Variants in CERS6 observed in about 807,000 individuals in gnomAD.
CERS6 encodes the protein ceramide synthase 6.
Under a neutral mutation model 56.8 loss-of-function variants are expected in CERS6, and 26 were observed. The observed-to-expected ratio is 0.46, with a 90% CI of 0.34 to 0.63. The LOEUF (loss-of-function observed/expected upper bound fraction) is 0.63. CERS6 is among the 30% of genes least tolerant of loss of function. The pLI, the probability that CERS6 is intolerant of heterozygous loss-of-function variation, is 0.01. For synonymous variants in CERS6, 164 were observed against 173.3 expected, an observed-to-expected ratio of 0.95 and a Z score of 0.42; for missense variants, 415 against 467.5, an observed-to-expected ratio of 0.89 and a Z score of 1.04.
intron 1 of CERS6, among the ~76,000 whole-genome samples, chr2:168,461,492 G>A (rs868449963): frequency 9.6e-4 from 143 of 149,120 alleles, no homozygotes; most frequent in African/African-American, 2.9e-3. Flanking sequence ...GTGGTCTGCA[G>A]ACATAAATAG....
chr2:168,622,768 G>C (rs536883724), intron 3 of CERS6, among the ~76,000 whole-genome samples: 2 of 152,296 alleles, frequency 1.3e-5, no homozygotes, highest in African/African-American at 4.8e-5. Flanking sequence ...ATTATTGATG[G>C]AGGTGGAAAT....
At chr2:168,746,813 ATATATAT>A (rs1684116676) in intron 8 of CERS6, among the ~76,000 whole-genome samples, 2 of 115,712 alleles carry the variant, frequency 1.7e-5, no homozygotes, top group Admixed American at 9.0e-5. Context: ...ATATATATAT[ATATATAT>A]AAAATCATCT....
intron 2 of CERS6, among the ~76,000 whole-genome samples, chr2:168,556,995 A>T (rs1353190954): frequency 5.6e-5 from 1 of 17,854 alleles, no homozygotes; most frequent in Admixed American, 4.1e-4. Context: ...TCTCTACAAA[A>T]AAAAAAAAAA....
intron 3 of CERS6, among the ~76,000 whole-genome samples, chr2:168,597,138 G>A (rs1683820215): frequency 6.6e-6 from 1 of 152,176 alleles, no homozygotes; most frequent in Non-Finnish European, 1.5e-5. Flanking sequence ...ATGGCGCCAG[G>A]TTTGAGGCTG....
At chr2:168,630,686 G>C (rs1033668018) in intron 3 of CERS6, among the ~76,000 whole-genome samples, 1 of 152,092 alleles carries the variant, frequency 6.6e-6, no homozygotes, top group Non-Finnish European at 1.5e-5. Flanking sequence ...ATCCCTTCAT[G>C]AGTGATAAAC....
chr2:168,632,642 T>C (rs1168786788), intron 4 of CERS6, among the ~76,000 whole-genome samples: 1 of 152,230 alleles, frequency 6.6e-6, no homozygotes, highest in Non-Finnish European at 1.5e-5. Flanking sequence ...AATTCTGTTC[T>C]AGTTTTCAGA....
chr2:168,456,304 CGCGGAGGAG>C lies in CERS6; in HGVS notation c.-140_-132del. On this transcript the variant is annotated 5_prime_UTR_variant, in exon 1 of 10. Coordinates refer to ENST00000305747, the MANE Select transcript of CERS6 (RefSeq NM_203463.3). The surrounding 1 kb of genome is among the most constrained non-coding windows in gnomAD (Gnocchi z 4.1). ...GCCGCGAGCCTTCGAGAGCAGCGGC[CGCGGAGGAG>C]GCGGCGGCGGCGGGCGGGAGCAGCG... is the stretch of plus-strand genomic sequence containing the variant. 3.2e-6 allele frequency: 1 copy of C among 311,508 alleles called. No homozygotes were observed. The highest frequency in any genetic ancestry group is 5.1e-6 in the Non-Finnish European group (1 of 196,834). The allele number at this position is 311,508 out of a possible 1,614,324, so 19.3% of individuals were successfully genotyped here. A position where few individuals can be genotyped will look rare whatever the true frequency, so the allele number is the denominator to read the frequency against.
At chr2:168,712,558 C>T (rs183599811) in intron 6 of CERS6, among the ~76,000 whole-genome samples, 4 of 152,258 alleles carry the variant, frequency 2.6e-5, no homozygotes, top group Non-Finnish European at 5.9e-5. Context: ...ACAAATGCTA[C>T]GTAGAACAGT....
intron 1 of CERS6, among the ~76,000 whole-genome samples, chr2:168,515,709 G>C (rs533092338): frequency 6.6e-6 from 1 of 152,316 alleles, no homozygotes; most frequent in African/African-American, 2.4e-5. Context: ...TTAGAAGTCA[G>C]GATCAGTGGG....
rs1439012361 is a variant in CERS6, at chr2:168,620,062, C to CACACACACACACATATACATAT, written c.408-10922_408-10921insCACACACACACATATACATATA. ...ACACACACACACACACACACACACACATATTTATATATATATGATCTAATA... is the reference window on the plus strand; with the variant it reads ...ACACACACACACACACACACACACACACACACACACACATATACATATATATTTATATATATATGATCTAATA... On this transcript the variant is annotated intron_variant, in intron 3 of 9. Transcript: ENST00000305747. Among the ~76,000 whole-genome samples, 176 of 70,060 alleles carry CACACACACACACATATACATAT rather than the reference C, an allele frequency of 2.5e-3. 3 individuals are homozygous for CACACACACACACATATACATAT. Among genetic ancestry groups the CACACACACACACATATACATAT allele is most frequent in the Admixed American group, 0.02 (141 of 7,160 alleles). 46.0% of individuals were successfully genotyped at this position (70,060 alleles called of 152,430 possible). A position where few individuals can be genotyped will look rare whatever the true frequency, so the allele number is the denominator to read the frequency against.
chr2:168,572,192 G>A (rs1187660756), intron 3 of CERS6, among the ~76,000 whole-genome samples: 1 of 152,156 alleles, frequency 6.6e-6, no homozygotes, highest in Non-Finnish European at 1.5e-5. Flanking sequence ...TAATGAAGTT[G>A]CATATTTTCA....
intron 3 of CERS6, among the ~76,000 whole-genome samples, chr2:168,574,299 AG>A (rs566671977): frequency 1.6e-3 from 239 of 152,214 alleles, no homozygotes; most frequent in Non-Finnish European, 2.9e-3. Flanking sequence ...AAAACCCAAA[AG>A]CTTCTCTTAC....
chr2:168,575,768 G>T (rs1020268962), intron 3 of CERS6, among the ~76,000 whole-genome samples: 6 of 152,020 alleles, frequency 3.9e-5, no homozygotes, highest in Non-Finnish European at 5.9e-5. Flanking sequence ...ATTTCTCTCT[G>T]GCTTGTGCTG....
intron 2 of CERS6, among the ~76,000 whole-genome samples, chr2:168,548,621 G>A (rs1695509453): frequency 6.6e-6 from 1 of 152,210 alleles, no homozygotes. Flanking sequence ...CTTCCAAGAT[G>A]TGATTTGACA....
At chr2:168,632,978 G>C (rs1388664135) in intron 4 of CERS6, among the ~76,000 whole-genome samples, 3 of 151,962 alleles carry the variant, frequency 2.0e-5, no homozygotes, top group African/African-American at 4.8e-5. Flanking sequence ...GCTTAGCTCT[G>C]GTTCACTCTG....
At chr2:168,482,157 T>A (rs1429231837) in intron 1 of CERS6, among the ~76,000 whole-genome samples, 4 of 152,236 alleles carry the variant, frequency 2.6e-5, no homozygotes, top group Non-Finnish European at 5.9e-5. Context: ...TGGACTTGGA[T>A]GAATCTTGAA....
At chr2:168,547,465 G>A (rs1351406732) in intron 1 of CERS6, 131 bp from the exon 2 acceptor site, 1 of 662,290 alleles carries the variant, frequency 1.5e-6, no homozygotes, top group Non-Finnish European at 2.7e-6. Context: ...CAGGAGTGTT[G>A]ACAATGTACA....
chr2:168,754,528 C>G (rs76092446), intron 8 of CERS6, among the ~76,000 whole-genome samples: 5,306 of 152,092 alleles, frequency 0.035, 311 homozygotes, highest in African/African-American at 0.12. Context: ...AGTACACACA[C>G]AATGCCTAAG....
At chr2:168,466,208 A>C (rs768983508) in intron 1 of CERS6, among the ~76,000 whole-genome samples, 6 of 152,150 alleles carry the variant, frequency 3.9e-5, no homozygotes, top group Non-Finnish European at 7.3e-5. Context: ...TGTTAATATG[A>C]CAACTTAATA....
Sources: allele counts gnomAD v4.1 joint callset (sites outside exome capture counted in the v4.1 genomes callset), GRCh38; gene constraint gnomAD v4.1.1; non-coding constraint Gnocchi (gnomAD v3.1); transcripts MANE v1.5; gene names NCBI Gene and HGNC (gene_info 2026-07-23, HGNC 2026-07-21).